The following CDH18 variants were observed in gnomAD, a reference collection of about 807,000 sequenced individuals.
CDH18 encodes the protein cadherin-18.
CDH18 carries 31 observed loss-of-function variants against 67.9 expected under a neutral mutation model. The ratio of observed to expected loss-of-function variants is 0.46; its 90% confidence interval spans 0.34 to 0.62. CDH18 has a LOEUF of 0.62. Ranked by LOEUF, CDH18 falls within the 20% of genes least tolerant of loss-of-function variation. CDH18 has a pLI of 0.01. For missense variants in CDH18, 890 were observed against 975.5 expected, an observed-to-expected ratio of 0.91 and a Z score of 1.17; for synonymous variants, 362 against 347.2, an observed-to-expected ratio of 1.04 and a Z score of -0.48.
chr5:20,386,715 T>C (rs945545687), intron 1 of CDH18, among the ~76,000 whole-genome samples: 2 of 152,174 alleles, frequency 1.3e-5, no homozygotes, highest in Non-Finnish European at 2.9e-5. Flanking sequence ...AATAATTTGA[T>C]ATTATAACAA....
chr5:20,431,504 A>AAAAGAAGAAG (rs536468948), intron 1 of CDH18, among the ~76,000 whole-genome samples: 2 of 138,744 alleles, frequency 1.4e-5, no homozygotes, highest in Non-Finnish European at 3.1e-5. Flanking sequence ...AAAAAAAAAA[A>AAAAGAAGAAG]AAGAAGAAGA....
intron 2 of CDH18, among the ~76,000 whole-genome samples, chr5:19,850,754 G>T (rs1349485187): frequency 6.6e-6 from 1 of 151,846 alleles, no homozygotes; most frequent in East Asian, 1.9e-4. Flanking sequence ...ACTAAATTTT[G>T]AGATATTAAT....
In CDH18 at chr5:20,129,395, G is replaced by A. The variant is rs565734783; in HGVS notation, c.-518+126049C>T. On this transcript the variant is annotated intron_variant, in intron 2 of 14. Transcript: ENST00000507958. Reference sequence around the variant, plus strand: ...CAATTTGCTTTTTATCTAAACTTACGTTCTATTACAAGCAATTGACAAAAA... The same window carrying A: ...CAATTTGCTTTTTATCTAAACTTACATTCTATTACAAGCAATTGACAAAAA... Among the ~76,000 whole-genome samples the A allele has an allele frequency of 3.5e-4, 53 of 151,904 alleles. 1 individual carries two copies. The highest frequency in any genetic ancestry group is 1.2e-3 in the African/African-American group (50 of 41,380).
intron 2 of CDH18, among the ~76,000 whole-genome samples, chr5:20,111,208 G>C (rs1460209090): frequency 6.6e-6 from 1 of 152,132 alleles, no homozygotes; most frequent in African/African-American, 2.4e-5. Flanking sequence ...TTCTTACTTT[G>C]GGACATATAA....
At chr5:20,567,223 G>C (rs553209743) in intron 1 of CDH18, among the ~76,000 whole-genome samples, 1 of 152,258 alleles carries the variant, frequency 6.6e-6, no homozygotes, top group Middle Eastern at 3.4e-3. Flanking sequence ...CATCCCTAGG[G>C]CTGGGAGAAC....
intron 2 of CDH18, among the ~76,000 whole-genome samples, chr5:20,066,936 TA>T (rs1404595299): frequency 6.6e-6 from 1 of 151,852 alleles, no homozygotes; most frequent in Non-Finnish European, 1.5e-5. Context: ...TAGTAACATG[TA>T]AATACATCCA....
At chr5:19,724,928 CTTTT>C (rs34393612) in intron 4 of CDH18, among the ~76,000 whole-genome samples, 4 of 122,396 alleles carry the variant, frequency 3.3e-5, no homozygotes, top group African/African-American at 2.8e-5. Flanking sequence ...ATATTAAGGC[CTTTT>C]TTTTTTTTTT....
At chr5:19,829,565 A>G (rs1352780284) in intron 3 of CDH18, among the ~76,000 whole-genome samples, 1 of 152,208 alleles carries the variant, frequency 6.6e-6, no homozygotes, top group East Asian at 1.9e-4. Flanking sequence ...ATCAGAGATG[A>G]CATAAACAAA....
At chr5:20,457,497 G>C (rs1240876538) in intron 1 of CDH18, among the ~76,000 whole-genome samples, 1 of 152,088 alleles carries the variant, frequency 6.6e-6, no homozygotes, top group African/African-American at 2.4e-5. Context: ...AACCCACCTA[G>C]AGCCATGCAA....
chr5:19,580,422 G>GA (rs1381949199), intron 7 of CDH18, among the ~76,000 whole-genome samples: 2 of 151,686 alleles, frequency 1.3e-5, no homozygotes, highest in Non-Finnish European at 3.0e-5. Context: ...TTCCCTAAGA[G>GA]AAAAAATATT....
At chr5:20,476,420 A>G (rs990707766) in intron 1 of CDH18, among the ~76,000 whole-genome samples, 8 of 152,062 alleles carry the variant, frequency 5.3e-5, no homozygotes, top group Admixed American at 2.0e-4. Context: ...CAGATCTTGA[A>G]GACTTTTTTT....
chr5:19,510,091 A>T (rs1744882238), intron 10 of CDH18, among the ~76,000 whole-genome samples: 1 of 152,176 alleles, frequency 6.6e-6, no homozygotes, highest in Admixed American at 6.6e-5. Context: ...TTTGAAAAGC[A>T]ATTGTCATTG....
At chr5:19,552,181 C>T (rs1037833712) in intron 8 of CDH18, among the ~76,000 whole-genome samples, 9 of 152,080 alleles carry the variant, frequency 5.9e-5, no homozygotes, top group African/African-American at 2.2e-4. Flanking sequence ...ATTTCTAATA[C>T]TATGCTTAAA....
chr5:19,629,163 G>C (rs1433858856), intron 5 of CDH18, among the ~76,000 whole-genome samples: 1 of 152,164 alleles, frequency 6.6e-6, no homozygotes, highest in Non-Finnish European at 1.5e-5. Context: ...AAGAAGACTG[G>C]TTGGAAGTAG....
chr5:19,644,929 G>C (rs1221249865), intron 5 of CDH18, among the ~76,000 whole-genome samples: 1 of 152,188 alleles, frequency 6.6e-6, no homozygotes, highest in Non-Finnish European at 1.5e-5. Context: ...TCCCTGAAAA[G>C]AGAATGCCCA....
At chr5:19,487,961 A>T (rs899345806) in intron 11 of CDH18, among the ~76,000 whole-genome samples, 1 of 152,192 alleles carries the variant, frequency 6.6e-6, no homozygotes, top group Non-Finnish European at 1.5e-5. Context: ...AATATTTGTC[A>T]TAAAATATAT....
At chr5:20,349,567 C>A (rs1740993060) in intron 1 of CDH18, among the ~76,000 whole-genome samples, 1 of 152,014 alleles carries the variant, frequency 6.6e-6, no homozygotes, top group African/African-American at 2.4e-5. Flanking sequence ...AAGAGAAGTT[C>A]TTGGGCTATG....
In CDH18 at chr5:19,747,119, G is replaced by C; in HGVS notation, c.346C>G (p.Leu116Val). ...TTGDIHSTKS[L>V]DREQKTHYVL... ...TAGTGGGTCTTCTGCTCTCTGTCTA[G>C]GCTTTTTGTTGAGTGGATATCACCC... Residue 116 changes from leucine to valine, a missense_variant, in exon 4 of 13, where the codon CTA becomes GTA. Physicochemically the swap from Leu to Val is conservative, Grantham distance 32. Transcript: ENST00000382275. 6.2e-7 allele frequency: 1 copy of C among 1,614,052 alleles called. No homozygotes were observed. The highest frequency in any genetic ancestry group is 8.5e-7 in the Non-Finnish European group (1 of 1,179,996).
chr5:20,014,580 CAAAAT>C lies in CDH18; in HGVS notation c.-517-22571_-517-22567del, dbSNP rs552442913. 3.3e-5 allele frequency among the ~76,000 whole-genome samples: 5 copies of C among 152,150 alleles called. No individual in the cohort carries two copies. In the South Asian group the frequency reaches 1.0e-3, roughly 32 times the overall value. ...AATCTGAAAGCAAGACAAAACAAAA[CAAAAT>C]AATTTTATATATAGTTAAAGCCAAA... On this transcript the variant is annotated intron_variant, in intron 2 of 14. Transcript: ENST00000507958.
Sources: allele counts gnomAD v4.1 joint callset (sites outside exome capture counted in the v4.1 genomes callset), GRCh38; gene constraint gnomAD v4.1.1; transcripts MANE v1.5; gene names NCBI Gene and HGNC (gene_info 2026-07-23, HGNC 2026-07-21).